EIF3E: variants seen among roughly 807,000 people sequenced by gnomAD.
The protein encoded by EIF3E is eukaryotic translation initiation factor 3 subunit E.
A neutral mutation model predicts 59.3 loss-of-function variants in EIF3E; 25 were observed. That is an observed-to-expected ratio of 0.42 (90% CI 0.31 to 0.59). The LOEUF (loss-of-function observed/expected upper bound fraction) is 0.59. EIF3E is among the 20% of genes least tolerant of loss of function. EIF3E has a pLI of 0.15. For synonymous variants in EIF3E, 176 were observed against 170.2 expected (o/e 1.03, Z -0.26); for missense variants, 317 against 534.3 (o/e 0.59, Z 4.01).
intron 10 of EIF3E, among the ~76,000 whole-genome samples, chr8:108,211,472 C>T (rs890564286): frequency 3.9e-5 from 6 of 151,980 alleles, no homozygotes; most frequent in African/African-American, 1.5e-4. Flanking sequence ...TGTTTAGGTA[C>T]TTTGTAGATT....
At chr8:108,238,242 C>T (rs756789257) in intron 3 of EIF3E, among the ~76,000 whole-genome samples, 6 of 152,280 alleles carry the variant, frequency 3.9e-5, no homozygotes, top group East Asian at 1.9e-4. Context: ...TCTGTCTATG[C>T]GCATGATGTG....
intron 10 of EIF3E, among the ~76,000 whole-genome samples, chr8:108,207,716 G>A (rs10089401): frequency 0.045 from 6,888 of 152,186 alleles, 280 homozygotes; most frequent in African/African-American, 0.11. Flanking sequence ...AACTAGCTCT[G>A]CTGCTCAACT....
chr8:108,228,990 T>C (rs1815572331), intron 6 of EIF3E, 80 bp downstream of exon 6: 7 of 1,366,938 alleles, frequency 5.1e-6, no homozygotes. Flanking sequence ...ATTCCCAAAA[T>C]GCATAGTGAT....
intron 7 of EIF3E, among the ~76,000 whole-genome samples, 169 bp from the exon 8 acceptor site, chr8:108,217,629 T>A (rs1815328867): frequency 6.6e-6 from 1 of 152,132 alleles, no homozygotes; most frequent in Non-Finnish European, 1.5e-5. Flanking sequence ...GAATCCAGTT[T>A]CAGGAATCCA....
intron 7 of EIF3E, among the ~76,000 whole-genome samples, chr8:108,224,816 T>C (rs1367628120): frequency 6.6e-6 from 1 of 151,600 alleles, no homozygotes; most frequent in Non-Finnish European, 1.5e-5. Flanking sequence ...CAAATTCTTC[T>C]TGTACTTTAG....
At chr8:108,244,014 C>G (rs1815895843) in intron 1 of EIF3E, among the ~76,000 whole-genome samples, 1 of 152,154 alleles carries the variant, frequency 6.6e-6, no homozygotes, top group Non-Finnish European at 1.5e-5. Context: ...CCTCTCAATT[C>G]TGCCTCATAA....
intron 5 of EIF3E, 89 bp downstream of exon 5, chr8:108,234,909 C>G: frequency 1.4e-6 from 1 of 737,298 alleles, no homozygotes; most frequent in Admixed American, 3.9e-5. Context: ...TGAACAGACC[C>G]AAATCTATCT....
At chr8:108,202,575 T>C (rs1022488759) in intron 12 of EIF3E, among the ~76,000 whole-genome samples, 4 of 152,032 alleles carry the variant, frequency 2.6e-5, no homozygotes, top group African/African-American at 9.7e-5. Flanking sequence ...TCAGCACTAA[T>C]ACATATAATA....
intron 3 of EIF3E, among the ~76,000 whole-genome samples, chr8:108,239,388 T>A (rs1022648580): frequency 6.6e-6 from 1 of 152,048 alleles, no homozygotes; most frequent in Non-Finnish European, 1.5e-5. Flanking sequence ...TTTGGTAAGA[T>A]AGAGGGTTTC....
intron 10 of EIF3E, among the ~76,000 whole-genome samples, chr8:108,205,550 C>T (rs553099969): frequency 6.6e-6 from 1 of 152,254 alleles, no homozygotes; most frequent in Non-Finnish European, 1.5e-5. Flanking sequence ...CAATCCCAGT[C>T]TGAAAATATT....
intron 11 of EIF3E, 36 bp from the exon 12 acceptor site, chr8:108,203,153 T>G: frequency 6.3e-7 from 1 of 1,598,854 alleles, no homozygotes; most frequent in East Asian, 2.2e-5. Flanking sequence ...TCCTATAATG[T>G]TAATGACTGA....
intron 7 of EIF3E, chr8:108,226,080 T>G (rs1308510367): frequency 4.6e-5 from 7 of 152,214 alleles, no homozygotes; most frequent in Non-Finnish European, 7.3e-5. Flanking sequence ...TGTTTCATTA[T>G]TCATTGTTTT....
chr8:108,222,828 GTT>G (rs11320166), intron 7 of EIF3E, among the ~76,000 whole-genome samples: 61,789 of 134,000 alleles, frequency 0.46, 13,403 homozygotes, highest in Middle Eastern at 0.54. Flanking sequence ...AATTTTCTTA[GTT>G]TTTTTTTTTT....
chr8:108,234,795 C>A, intron 5 of EIF3E: 1 of 355,898 alleles, frequency 2.8e-6, no homozygotes, highest in South Asian at 1.0e-4. Context: ...GTTAAATCAC[C>A]CTCCAAATTT....
At position 108,214,702 on chromosome 8, in the gene EIF3E, G is replaced by A. The variant is rs185294635; in HGVS notation, c.966C>T (p.Asp322=). 2 of 1,608,096 alleles carry A rather than the reference G, an allele frequency of 1.2e-6. No homozygotes were observed. Among genetic ancestry groups the A allele is most frequent in the Admixed American group, 1.7e-5 (1 of 57,470 alleles). Residue 322 remains aspartate, a synonymous_variant, in exon 10 of 13, where the codon GAC becomes GAT. Transcript: ENST00000220849. The part of the protein sequence containing the change: ...LRECESVLVN[D]FFLVACLEDF... ...CCTCAAGACAAGCCACCAAGAAGAAGTCATTCACAAGCACCTATATGTACA... is the reference window on the plus strand; with the variant it reads ...CCTCAAGACAAGCCACCAAGAAGAAATCATTCACAAGCACCTATATGTACA...
chr8:108,240,149 GA>G, intron 2 of EIF3E, 74 bp from the exon 3 acceptor site: 1 of 1,235,904 alleles, frequency 8.1e-7, no homozygotes, highest in Non-Finnish European at 1.2e-6. Flanking sequence ...AGAATGTCTG[GA>G]AATTTTTCAG....
chr8:108,220,103 A>G (rs866279858), intron 7 of EIF3E, among the ~76,000 whole-genome samples: 4 of 152,092 alleles, frequency 2.6e-5, no homozygotes, highest in South Asian at 2.1e-4. Flanking sequence ...AGATGGTGCC[A>G]CTGCACTCCA....
intron 10 of EIF3E, among the ~76,000 whole-genome samples, chr8:108,209,403 A>C (rs2129849871): frequency 6.6e-6 from 1 of 152,264 alleles, no homozygotes; most frequent in East Asian, 1.9e-4. Flanking sequence ...TCCCCAATGC[A>C]GAGTGACTAG....
At chr8:108,211,218 G>A (rs1020178126) in intron 10 of EIF3E, among the ~76,000 whole-genome samples, 1 of 152,126 alleles carries the variant, frequency 6.6e-6, no homozygotes, top group African/African-American at 2.4e-5. Flanking sequence ...CACCAACAGT[G>A]TAAAAGTGTT....
Sources: gnomAD v4.1 joint callset for allele counts (sites outside exome capture counted in the v4.1 genomes callset) on GRCh38, gnomAD v4.1.1 for gene constraint, MANE v1.5 for transcripts, NCBI Gene and HGNC (gene_info 2026-07-23, HGNC 2026-07-21) for gene names.